EFNA5: variants seen among roughly 807,000 people sequenced by gnomAD.
EFNA5 encodes ephrin-A5.
In EFNA5, 5 loss-of-function variants were observed where a neutral mutation model predicts 22.9. That is an observed-to-expected ratio of 0.22 (90% CI 0.11 to 0.46). The LOEUF (loss-of-function observed/expected upper bound fraction) is 0.46, where lower values mean the gene tolerates loss of function less well. EFNA5 is among the 20% of genes least tolerant of loss of function. The pLI, the probability that EFNA5 is intolerant of heterozygous loss-of-function variation, is 0.99. For synonymous variants in EFNA5, 113 were observed against 112.2 expected, an observed-to-expected ratio of 1.01 and a Z score of -0.04; for missense variants, 237 against 293.3, an observed-to-expected ratio of 0.81 and a Z score of 1.40.
chr5:107,394,178 C>T (rs371233073), intron 2 of EFNA5, among the ~76,000 whole-genome samples: 9 of 152,294 alleles, frequency 5.9e-5, no homozygotes, highest in East Asian at 3.9e-4. Flanking sequence ...TTTAATGACT[C>T]GCTCATGGCC....
intron 1 of EFNA5, among the ~76,000 whole-genome samples, chr5:107,496,136 G>A (rs1187090325): frequency 1.4e-5 from 2 of 146,612 alleles, no homozygotes; most frequent in East Asian, 4.0e-4. Context: ...GACCAGCTTG[G>A]CCAACATGGT....
rs149744946 is a variant in EFNA5 at position 107,533,246 on chromosome 5, G to T, written c.126-105737C>A. ...ATTGTCTCTCACCTTCACTGCTCTCGATATGAAGCGGGGGGATCTTTTTTT... is the reference window on the plus strand; with the variant it reads ...ATTGTCTCTCACCTTCACTGCTCTCTATATGAAGCGGGGGGATCTTTTTTT... On this transcript the variant is annotated intron_variant, in intron 1 of 4. Coordinates refer to ENST00000333274, the MANE Select transcript of EFNA5 (RefSeq NM_001962.3). Among the ~76,000 whole-genome samples the T allele has an allele frequency of 4.0e-3, 615 of 152,210 alleles. 10 individuals are homozygous for T. The highest frequency in any genetic ancestry group is 6.1e-3 in the Non-Finnish European group (416 of 68,008).
chr5:107,532,313 C>T (rs1747829895), intron 1 of EFNA5, among the ~76,000 whole-genome samples: 1 of 152,232 alleles, frequency 6.6e-6, no homozygotes, highest in Admixed American at 6.5e-5. Flanking sequence ...TAAAGTCAGT[C>T]TGGCCCTGGG....
At chr5:107,537,124 G>C (rs1228640059) in intron 1 of EFNA5, among the ~76,000 whole-genome samples, 3 of 151,420 alleles carry the variant, frequency 2.0e-5, no homozygotes, top group Non-Finnish European at 4.4e-5. Flanking sequence ...AAAAAAAATT[G>C]AAGTAGATTT....
intron 1 of EFNA5, among the ~76,000 whole-genome samples, chr5:107,670,030 TAAAAAAA>T (rs67814628): frequency 2.6e-5 from 3 of 116,690 alleles, no homozygotes; most frequent in Non-Finnish European, 3.4e-5. Flanking sequence ...AAATTAAAAT[TAAAAAAA>T]AAAAAAAAAA....
At chr5:107,405,250 C>A (rs1007478982) in intron 2 of EFNA5, among the ~76,000 whole-genome samples, 1 of 152,162 alleles carries the variant, frequency 6.6e-6, no homozygotes, top group Non-Finnish European at 1.5e-5. Flanking sequence ...CAGCCCTGGC[C>A]GGAAAGAGAA....
intron 1 of EFNA5, among the ~76,000 whole-genome samples, chr5:107,602,351 A>G (rs1024314532): frequency 1.3e-5 from 2 of 152,222 alleles, no homozygotes; most frequent in African/African-American, 4.8e-5. Context: ...CTGTTAATGT[A>G]TGTGGATGTA....
chr5:107,482,025 G>A (rs1750479933), intron 1 of EFNA5, among the ~76,000 whole-genome samples: 1 of 152,014 alleles, frequency 6.6e-6, no homozygotes, highest in Admixed American at 6.6e-5. Flanking sequence ...AAAAATAAAT[G>A]CTGGCTGGGC....
intron 1 of EFNA5, among the ~76,000 whole-genome samples, chr5:107,563,063 A>T (rs1231082112): frequency 6.6e-6 from 1 of 152,186 alleles, no homozygotes; most frequent in Non-Finnish European, 1.5e-5. Context: ...TATGATGACC[A>T]TGAGAGGGAT....
chr5:107,528,897 T>C (rs950905510), intron 1 of EFNA5, among the ~76,000 whole-genome samples: 1 of 152,232 alleles, frequency 6.6e-6, no homozygotes, highest in Non-Finnish European at 1.5e-5. Context: ...AGAAGCTTTA[T>C]TTGTATAGAA....
rs189666523 is a variant in EFNA5 at position 107,462,986 on chromosome 5, C to G, written c.126-35477G>C. 1.1e-3 allele frequency among the ~76,000 whole-genome samples: 174 copies of G among 152,256 alleles called. 1 individual carries two copies. The highest frequency in any genetic ancestry group is 3.3e-3 in the African/African-American group (138 of 41,558). ...GTGGGTTCTAGTCCCCATTCAGTCA[C>G]TGGCGTCCATCCTGATGCTGAATAT... On this transcript the variant is annotated intron_variant, in intron 1 of 4. Coordinates refer to ENST00000333274, the MANE Select transcript of EFNA5 (RefSeq NM_001962.3).
At chr5:107,523,728 T>G (rs910895991) in intron 1 of EFNA5, among the ~76,000 whole-genome samples, 1 of 152,244 alleles carries the variant, frequency 6.6e-6, no homozygotes, top group African/African-American at 2.4e-5. Context: ...CTTTCCTTTT[T>G]GAAATAAATC....
chr5:107,641,534 A>G (rs979592996), intron 1 of EFNA5, among the ~76,000 whole-genome samples: 5 of 152,132 alleles, frequency 3.3e-5, no homozygotes, highest in African/African-American at 1.2e-4. Flanking sequence ...GACTACCTAC[A>G]GGGGAGAAAA....
At chr5:107,650,562 A>G (rs1750708666) in intron 1 of EFNA5, among the ~76,000 whole-genome samples, 1 of 152,202 alleles carries the variant, frequency 6.6e-6, no homozygotes, top group Non-Finnish European at 1.5e-5. Flanking sequence ...TTCTTGCTCA[A>G]AATGTGCTTA....
At chr5:107,460,384 A>G (rs1376129796) in intron 1 of EFNA5, among the ~76,000 whole-genome samples, 3 of 152,126 alleles carry the variant, frequency 2.0e-5, no homozygotes, top group Non-Finnish European at 4.4e-5. Context: ...TTCTGCTCAT[A>G]AGGGACCATG....
At chr5:107,462,046 C>A (rs1749848993) in intron 1 of EFNA5, among the ~76,000 whole-genome samples, 1 of 152,166 alleles carries the variant, frequency 6.6e-6, no homozygotes, top group Non-Finnish European at 1.5e-5. Context: ...TCAGAATGTT[C>A]TTTTTGCAGC....
intron 1 of EFNA5, among the ~76,000 whole-genome samples, chr5:107,583,202 T>G (rs1352921949): frequency 3.3e-5 from 5 of 152,124 alleles, no homozygotes; most frequent in Non-Finnish European, 5.9e-5. Context: ...ATCAATCAGT[T>G]CTCAATGTCC....
At chr5:107,642,278 G>A (rs2112545254) in intron 1 of EFNA5, among the ~76,000 whole-genome samples, 1 of 152,210 alleles carries the variant, frequency 6.6e-6, no homozygotes, top group East Asian at 1.9e-4. Context: ...CATTATAGTG[G>A]CTATAGTTAA....
chr5:107,597,890 G>A lies in EFNA5; in HGVS notation c.125+72599C>T, dbSNP rs181975520. ...TGCATCCCCCGACAGAATTCCTAAT[G>A]AACTGCCAGAAAAATGGAGAAGTAT... On this transcript the variant is annotated intron_variant, in intron 1 of 4. Coordinates refer to ENST00000333274, the MANE Select transcript of EFNA5 (RefSeq NM_001962.3). Among the ~76,000 whole-genome samples, 40 of 152,186 alleles carry A rather than the reference G, an allele frequency of 2.6e-4. No homozygotes were observed. The East Asian group carries it at 5.6e-3, about 21-fold the overall frequency.
Sources: gnomAD v4.1 joint callset for allele counts (sites outside exome capture counted in the v4.1 genomes callset) on GRCh38, gnomAD v4.1.1 for gene constraint, MANE v1.5 for transcripts, NCBI Gene and HGNC (gene_info 2026-07-23, HGNC 2026-07-21) for gene names.